The following PTPRD variants were observed in gnomAD, a reference collection of about 807,000 sequenced individuals.
The protein encoded by PTPRD is protein tyrosine phosphatase receptor type D.
Under a neutral mutation model 214.5 loss-of-function variants are expected in PTPRD, and 34 were observed. The observed-to-expected ratio is 0.16, with a 90% confidence interval of 0.12 to 0.21. PTPRD has a LOEUF of 0.21. Ranked by LOEUF, PTPRD falls within the 10% of genes least tolerant of loss-of-function variation. The pLI is 1.00. For missense variants in PTPRD, 2,545 were observed against 2,398.7 expected, an observed-to-expected ratio of 1.06 and a Z score of -1.27; for synonymous variants, 1,128 against 845.7, an observed-to-expected ratio of 1.33 and a Z score of -5.79.
chr9:8,336,551 T>A (rs1587993819), intron 43 of PTPRD, among the ~76,000 whole-genome samples: 2 of 126,350 alleles, frequency 1.6e-5, no homozygotes, highest in African/African-American at 6.2e-5. Flanking sequence ...ACTTCAGGAC[T>A]AAAACACCAA....
intron 9 of PTPRD, among the ~76,000 whole-genome samples, chr9:9,381,712 TTG>T (rs758525495): frequency 1.1e-3 from 100 of 88,350 alleles, no homozygotes; most frequent in Non-Finnish European, 1.5e-3. Flanking sequence ...TTTTTTGTTT[TTG>T]TTTTTTTTTG....
intron 11 of PTPRD, among the ~76,000 whole-genome samples, chr9:8,984,825 T>G (rs2099330931): frequency 6.6e-6 from 1 of 152,128 alleles, no homozygotes; most frequent in African/African-American, 2.4e-5. Flanking sequence ...AAAGCTTGGA[T>G]GTGGGAATCA....
At chr9:10,474,840 C>G (rs538605030) in intron 2 of PTPRD, among the ~76,000 whole-genome samples, 22 of 152,214 alleles carry the variant, frequency 1.4e-4, no homozygotes, top group Admixed American at 6.5e-4. Flanking sequence ...TCACTCAAAA[C>G]CACAGAACTA....
At chr9:10,353,278 C>A (rs1341558265) in intron 2 of PTPRD, among the ~76,000 whole-genome samples, 1 of 151,826 alleles carries the variant, frequency 6.6e-6, no homozygotes, top group African/African-American at 2.4e-5. Context: ...AAAAACACAT[C>A]CTCTGTGAAA....
chr9:9,293,609 A>G (rs1392738909), intron 9 of PTPRD, among the ~76,000 whole-genome samples: 1 of 151,522 alleles, frequency 6.6e-6, no homozygotes, highest in Non-Finnish European at 1.5e-5. Context: ...CAGTTGACAG[A>G]GAAAAGAAAT....
chr9:9,383,809 A>T (rs1384144288), intron 9 of PTPRD, among the ~76,000 whole-genome samples: 1 of 152,112 alleles, frequency 6.6e-6, no homozygotes, highest in Non-Finnish European at 1.5e-5. Flanking sequence ...AAGGACGTTC[A>T]GCTCACAATG....
intron 4 of PTPRD, among the ~76,000 whole-genome samples, chr9:10,023,142 G>T (rs1278140498): frequency 6.6e-6 from 1 of 152,062 alleles, no homozygotes; most frequent in Non-Finnish European, 1.5e-5. Context: ...TTAGATTTCT[G>T]TAAATCATTA....
At chr9:9,944,981 C>A (rs1432119864) in intron 4 of PTPRD, among the ~76,000 whole-genome samples, 2 of 148,452 alleles carry the variant, frequency 1.3e-5, no homozygotes, top group South Asian at 2.1e-4. Context: ...TGAATATGAC[C>A]AGACAAGTAG....
intron 7 of PTPRD, among the ~76,000 whole-genome samples, chr9:9,669,367 G>A (rs900639642): frequency 4.6e-5 from 7 of 152,128 alleles, no homozygotes; most frequent in African/African-American, 9.7e-5. Context: ...TGGACCAAAC[G>A]TAGGTAATCT....
At chr9:8,630,184 G>A (rs2096205786) in intron 14 of PTPRD, among the ~76,000 whole-genome samples, 1 of 151,718 alleles carries the variant, frequency 6.6e-6, no homozygotes, top group Non-Finnish European at 1.5e-5. Flanking sequence ...TGATCCACGT[G>A]GACGAAATGG....
intron 3 of PTPRD, among the ~76,000 whole-genome samples, chr9:10,325,341 G>T (rs575129558): frequency 6.6e-6 from 1 of 152,020 alleles, no homozygotes; most frequent in East Asian, 1.9e-4. Flanking sequence ...TTCTACTGAG[G>T]CAGCACTTAA....
At chr9:9,636,020 C>T (rs1452354341) in intron 7 of PTPRD, among the ~76,000 whole-genome samples, 1 of 152,162 alleles carries the variant, frequency 6.6e-6, no homozygotes, top group Non-Finnish European at 1.5e-5. Flanking sequence ...AGGCTTTCTC[C>T]AGCTTCATCT....
chr9:10,401,490 T>A (rs905734509), intron 2 of PTPRD, among the ~76,000 whole-genome samples: 5 of 150,940 alleles, frequency 3.3e-5, no homozygotes, highest in Admixed American at 1.3e-4. Context: ...GAAAATGGTG[T>A]ATGGCCTTCC....
chr9:8,688,037 G>T (rs1278941121), intron 12 of PTPRD, among the ~76,000 whole-genome samples: 1 of 152,144 alleles, frequency 6.6e-6, no homozygotes, highest in Non-Finnish European at 1.5e-5. Context: ...GCTATATAAT[G>T]ACAATATGAG....
At chr9:9,968,005 A>G (rs2094826005) in intron 4 of PTPRD, among the ~76,000 whole-genome samples, 1 of 152,218 alleles carries the variant, frequency 6.6e-6, no homozygotes, top group African/African-American at 2.4e-5. Flanking sequence ...TAAACTATTC[A>G]GATCAGAAGA....
chr9:8,804,301 A>G (rs1322333679), intron 11 of PTPRD, among the ~76,000 whole-genome samples: 6 of 151,838 alleles, frequency 4.0e-5, no homozygotes, highest in Non-Finnish European at 1.5e-5. Context: ...AAAACAAACT[A>G]TCCTTATTTA....
chr9:9,265,486 A>G (rs1938959444), intron 9 of PTPRD, among the ~76,000 whole-genome samples: 1 of 151,394 alleles, frequency 6.6e-6, no homozygotes, highest in Admixed American at 6.6e-5. Flanking sequence ...CTAAAACTCC[A>G]GGCCTCAAGT....
At chr9:9,283,945 T>C (rs1948592328) in intron 9 of PTPRD, among the ~76,000 whole-genome samples, 2 of 151,664 alleles carry the variant, frequency 1.3e-5, no homozygotes, top group Non-Finnish European at 3.0e-5. Context: ...TCTTAGGTTT[T>C]GTGACTTTTC....
intron 7 of PTPRD, among the ~76,000 whole-genome samples, chr9:9,718,303 G>T (rs1235507270): frequency 6.6e-6 from 1 of 152,186 alleles, no homozygotes; most frequent in African/African-American, 2.4e-5. Flanking sequence ...ATCTCTATAT[G>T]AAATTGTATG....
Sources: allele counts gnomAD v4.1 joint callset (sites outside exome capture counted in the v4.1 genomes callset), GRCh38; gene constraint gnomAD v4.1.1; transcripts MANE v1.5; gene names NCBI Gene and HGNC (gene_info 2026-07-23, HGNC 2026-07-21).